STAU1: variants seen among roughly 807,000 people sequenced by gnomAD.
STAU1 encodes the protein double-stranded RNA-binding protein Staufen homolog 1.
Under a neutral mutation model 62.9 loss-of-function variants are expected in STAU1, and 13 were observed. The observed-to-expected ratio is 0.21, with a 90% CI of 0.13 to 0.33. STAU1 has a LOEUF of 0.33. Among genes scored for constraint, STAU1 ranks in the 10% least tolerant of loss-of-function variants. The pLI is 1.00. For synonymous variants in STAU1, 269 were observed against 265.1 expected, an observed-to-expected ratio of 1.01 and a Z score of -0.14; for missense variants, 571 against 712.1, an observed-to-expected ratio of 0.80 and a Z score of 2.25.
chr20:49,191,050 CAG>C (rs1335461304), upstream of STAU1, among the ~76,000 whole-genome samples: 2 of 148,912 alleles, frequency 1.3e-5, no homozygotes, highest in Non-Finnish European at 3.0e-5. Context: ...TTTTTTGAGA[CAG>C]AGTCTCCCTC....
chr20:49,191,421 G>C (rs1030692098), upstream of STAU1, among the ~76,000 whole-genome samples: 2 of 152,124 alleles, frequency 1.3e-5, no homozygotes, highest in Admixed American at 6.5e-5. Flanking sequence ...CTAGAACTAA[G>C]TGATCAACTT....
chr20:49,175,433 T>C (rs1568931084), intron 1 of STAU1, among the ~76,000 whole-genome samples: 1 of 152,182 alleles, frequency 6.6e-6, no homozygotes, highest in Non-Finnish European at 1.5e-5. Context: ...GTCCCAATTA[T>C]TCCCTGATGA....
At chr20:49,147,240 A>C (rs1038791077) in intron 5 of STAU1, among the ~76,000 whole-genome samples, 1 of 152,122 alleles carries the variant, frequency 6.6e-6, no homozygotes, top group Non-Finnish European at 1.5e-5. Flanking sequence ...CTTTTTGCTG[A>C]TATTAATGTT....
chr20:49,195,920 AAAAAG>A, the STAU1 span, among the ~76,000 whole-genome samples: 48 of 85,770 alleles, frequency 5.6e-4, 1 homozygote, highest in African/African-American at 1.3e-3. Flanking sequence ...AAAAAAAAGA[AAAAAG>A]AAAAAAAAAA....
chr20:49,117,167 T>A lies in STAU1; in HGVS notation c.1591A>T (p.Ser531Cys). The A allele has an allele frequency of 6.2e-7, 1 of 1,614,202 alleles. No homozygotes were observed. The highest frequency in any genetic ancestry group is 8.5e-7 in the Non-Finnish European group (1 of 1,180,038). ...INCSSQPPLI[S>C]HGIGKDVESC... ...TCCACATCCTTGCCGATACCATGGC[T>A]GATCAGAGGTGGCTGAGAGGAGCAA... Residue 531 changes from serine to cysteine, a missense_variant, in exon 12 of 14, where the codon AGC becomes TGC. Physicochemically the swap from Ser to Cys is moderately radical, Grantham distance 112. Transcript: ENST00000371856. This position sits in a 1 kb window ranked among gnomAD's most constrained non-coding sequence, Gnocchi z 4.6.
intron 5 of STAU1, among the ~76,000 whole-genome samples, chr20:49,150,770 G>C (rs891939492): frequency 6.6e-6 from 1 of 152,098 alleles, no homozygotes; most frequent in African/African-American, 2.4e-5. Flanking sequence ...TGATTTCTGA[G>C]CCTAAGCCTT....
intron 6 of STAU1, among the ~76,000 whole-genome samples, chr20:49,130,184 C>T (rs1175211210): frequency 6.6e-6 from 1 of 152,080 alleles, no homozygotes; most frequent in Non-Finnish European, 1.5e-5. Context: ...ATAATGACTC[C>T]AAGCTAAGTT....
chr20:49,125,030 T>C (rs1277664139), intron 6 of STAU1, among the ~76,000 whole-genome samples: 3 of 128,302 alleles, frequency 2.3e-5, no homozygotes, highest in African/African-American at 5.8e-5. Context: ...GAGACAAATC[T>C]CTTAAGCACT....
intron 3 of STAU1, among the ~76,000 whole-genome samples, chr20:49,163,296 A>C (rs1188412353): frequency 3.4e-5 from 5 of 146,942 alleles, no homozygotes; most frequent in Admixed American, 3.4e-4. Flanking sequence ...TATTATCCCC[A>C]CTCCCTTTTT....
rs1381220507 is a variant in STAU1, at chr20:49,155,513, A to G, written c.206-1442T>C. On this transcript the variant is annotated intron_variant, in intron 3 of 13. Coordinates refer to ENST00000371856, the MANE Select transcript of STAU1 (RefSeq NM_017453.4). ...AACAACACTTTCATATCAAAAACAGAACACTAGAAATGGCAAAATCTAAAT... is the reference window on the plus strand; with the variant it reads ...AACAACACTTTCATATCAAAAACAGGACACTAGAAATGGCAAAATCTAAAT... Among the ~76,000 whole-genome samples, 3 of 152,222 alleles carry G rather than the reference A, an allele frequency of 2.0e-5. No homozygotes were observed. The East Asian group carries it at 5.8e-4, about 29-fold the overall frequency.
chr20:49,126,647 A>C (rs1431079270), intron 6 of STAU1, among the ~76,000 whole-genome samples: 1 of 142,568 alleles, frequency 7.0e-6, no homozygotes, highest in African/African-American at 2.5e-5. Context: ...ACTCAAAAAG[A>C]AAAATAGAAG....
At chr20:49,160,763 G>GT (rs2093435561) in intron 3 of STAU1, among the ~76,000 whole-genome samples, 1 of 152,082 alleles carries the variant, frequency 6.6e-6, no homozygotes, top group Admixed American at 6.6e-5. Flanking sequence ...GTGAAACCCC[G>GT]TCTCTACTAA....
intron 1 of STAU1, among the ~76,000 whole-genome samples, chr20:49,180,297 A>G (rs372687752): frequency 1.3e-5 from 2 of 150,030 alleles, no homozygotes; most frequent in East Asian, 2.0e-4. Context: ...TTTTTTTTTT[A>G]GCAACAACCT....
chr20:49,187,773 ACCC>A (rs748894566), intron 1 of STAU1, among the ~76,000 whole-genome samples: 4 of 20,306 alleles, frequency 2.0e-4, no homozygotes, highest in East Asian at 1.2e-3. Flanking sequence ...TGAAGCAGGG[ACCC>A]CCCCCCCCCC....
intron 1 of STAU1, among the ~76,000 whole-genome samples, chr20:49,175,332 A>G (rs540356960): frequency 1.4e-5 from 2 of 143,602 alleles, no homozygotes; most frequent in South Asian, 2.2e-4. Context: ...CTCCTCTGGG[A>G]AAAAAAAAAA....
At chr20:49,132,013 C>T (rs1298890510) in intron 6 of STAU1, among the ~76,000 whole-genome samples, 1 of 151,720 alleles carries the variant, frequency 6.6e-6, no homozygotes, top group African/African-American at 2.4e-5. Flanking sequence ...AAAAGTGAGC[C>T]TCCAAAATGG....
chr20:49,134,866 G>A, intron 6 of STAU1: 3 of 1,582,144 alleles, frequency 1.9e-6, no homozygotes, highest in Non-Finnish European at 2.6e-6. Context: ...ATGAAGTGAT[G>A]AGAGCCTATT....
intron 2 of STAU1, among the ~76,000 whole-genome samples, chr20:49,171,913 T>C (rs1189226974): frequency 1.4e-5 from 2 of 140,750 alleles, no homozygotes; most frequent in Admixed American, 7.1e-5. Flanking sequence ...ATGACCAAAC[T>C]ACTTTAAAAA....
chr20:49,131,564 T>A (rs2092750655), intron 6 of STAU1, among the ~76,000 whole-genome samples: 1 of 152,054 alleles, frequency 6.6e-6, no homozygotes, highest in South Asian at 2.1e-4. Flanking sequence ...AAAAGCAGGC[T>A]GGGTGCAGTG....
Sources: allele counts gnomAD v4.1 joint callset (sites outside exome capture counted in the v4.1 genomes callset), GRCh38; gene constraint gnomAD v4.1.1; non-coding constraint Gnocchi (gnomAD v3.1); transcripts MANE v1.5; gene names NCBI Gene and HGNC (gene_info 2026-07-23, HGNC 2026-07-21).